The following PRKG2 variants were observed in gnomAD, a reference collection of about 807,000 sequenced individuals.
PRKG2 encodes the protein cGMP-dependent protein kinase 2.
In PRKG2, 33 loss-of-function variants were observed where a neutral mutation model predicts 97.2. That is an observed-to-expected ratio of 0.34 (90% CI 0.26 to 0.45). PRKG2 has a LOEUF of 0.45. PRKG2 is among the 20% of genes least tolerant of loss of function. PRKG2 has a pLI of 1.00. For synonymous variants in PRKG2, 330 were observed against 321.8 expected (o/e 1.03, Z -0.27); for missense variants, 638 against 900.0 (o/e 0.71, Z 3.73).
intron 14 of PRKG2, among the ~76,000 whole-genome samples, chr4:81,114,052 A>C (rs1264407712): frequency 6.6e-6 from 1 of 152,168 alleles, no homozygotes; most frequent in Non-Finnish European, 1.5e-5. Flanking sequence ...GGCGAGATGA[A>C]GGGAAGACTT....
At chr4:81,118,612 T>A (rs1195063046) in intron 14 of PRKG2, among the ~76,000 whole-genome samples, 12 of 152,234 alleles carry the variant, frequency 7.9e-5, no homozygotes, top group Non-Finnish European at 1.8e-4. Context: ...AGGTGTCTCT[T>A]CAGGTCTTTT....
intron 11 of PRKG2, among the ~76,000 whole-genome samples, chr4:81,142,124 G>C (rs943820399): frequency 2.0e-5 from 3 of 152,198 alleles, no homozygotes; most frequent in Non-Finnish European, 2.9e-5. Flanking sequence ...TAGAATACTT[G>C]TTTGACAGTA....
chr4:81,143,299 G>C (rs973263814), intron 10 of PRKG2, among the ~76,000 whole-genome samples: 31 of 152,054 alleles, frequency 2.0e-4, no homozygotes, highest in African/African-American at 7.2e-4. Flanking sequence ...CCTCAAAAAA[G>C]CTGTTAAAAA....
At chr4:81,137,317 A>G in intron 13 of PRKG2, 76 bp downstream of exon 13, 1 of 1,055,812 alleles carries the variant, frequency 9.5e-7, no homozygotes, top group Non-Finnish European at 1.4e-6. Flanking sequence ...TTTCCTAATG[A>G]TTTCCTCTAT....
intron 12 of PRKG2, among the ~76,000 whole-genome samples, chr4:81,140,009 G>A (rs75028719): frequency 0.1 from 15,514 of 152,102 alleles, 1,037 homozygotes; most frequent in Middle Eastern, 0.25. Flanking sequence ...AACATGGATG[G>A]AACTGGAGGT....
intron 14 of PRKG2, among the ~76,000 whole-genome samples, chr4:81,112,378 T>C (rs60690485): frequency 0.14 from 21,044 of 152,180 alleles, 2,834 homozygotes; most frequent in East Asian, 0.39. Context: ...TTATAAAGAC[T>C]GAAATTTAAA....
chr4:81,140,713 A>G (rs200342722), intron 11 of PRKG2, 44 bp from the exon 12 acceptor site: 16 of 1,519,524 alleles, frequency 1.1e-5, no homozygotes, highest in Non-Finnish European at 1.5e-5. Context: ...ACTTATATCT[A>G]TATAAAACAC....
At chr4:81,170,717 C>A (rs1449777366) in intron 4 of PRKG2, among the ~76,000 whole-genome samples, 1 of 151,702 alleles carries the variant, frequency 6.6e-6, no homozygotes, top group Non-Finnish European at 1.5e-5. Flanking sequence ...TAAAACAAAT[C>A]TAAAGAAAAG....
intron 2 of PRKG2, among the ~76,000 whole-genome samples, chr4:81,198,569 A>T (rs777413933): frequency 5.9e-5 from 9 of 152,072 alleles, no homozygotes; most frequent in Non-Finnish European, 1.3e-4. Flanking sequence ...TAGGCTGCAC[A>T]GGCTATAAAT....
intron 2 of PRKG2, among the ~76,000 whole-genome samples, chr4:81,185,278 C>G (rs113283264): frequency 3.3e-5 from 5 of 152,294 alleles, no homozygotes; most frequent in African/African-American, 1.2e-4. Context: ...CAGTGGATCT[C>G]TGTGTAGAAA....
At chr4:81,178,323 A>C (rs1751111810) in intron 2 of PRKG2, among the ~76,000 whole-genome samples, 1 of 152,018 alleles carries the variant, frequency 6.6e-6, no homozygotes, top group East Asian at 1.9e-4. Context: ...CAGTTTTTTA[A>C]ATAGGAAATA....
At chr4:81,111,464 T>C (rs1315128370) in intron 14 of PRKG2, among the ~76,000 whole-genome samples, 1 of 152,100 alleles carries the variant, frequency 6.6e-6, no homozygotes, top group Non-Finnish European at 1.5e-5. Context: ...TATTATATCA[T>C]GTAATACATG....
chr4:81,169,719 A>G lies in PRKG2; in HGVS notation c.792T>C (p.Asn264=), dbSNP rs1473590119. The change falls in exon 5 of 19, where the codon AAT becomes AAC. Residue 264 remains asparagine, a synonymous_variant. Coordinates refer to ENST00000264399, the MANE Select transcript of PRKG2 (RefSeq NM_006259.3). The part of the protein sequence containing the change: ...TWALDREVFQ[N]IMRRTAQARD... ...TAGCTTGGGCTGTCCTCCTCATTAT[A>G]TTCTGGAATACCTCTCGATCTAGTG... 4.3e-6 allele frequency: 7 copies of G among 1,610,342 alleles called. No individual in the cohort carries two copies. Among genetic ancestry groups the G allele is most frequent in the Non-Finnish European group, 5.9e-6 (7 of 1,178,172 alleles).
At chr4:81,126,343 G>A (rs1745553687) in intron 14 of PRKG2, among the ~76,000 whole-genome samples, 1 of 152,140 alleles carries the variant, frequency 6.6e-6, no homozygotes, top group Non-Finnish European at 1.5e-5. Flanking sequence ...ACATACATGT[G>A]CATGTGTCTT....
chr4:81,125,524 G>A (rs907344353), intron 14 of PRKG2, among the ~76,000 whole-genome samples: 1 of 152,120 alleles, frequency 6.6e-6, no homozygotes, highest in African/African-American at 2.4e-5. Flanking sequence ...TTGATGATGG[G>A]TATTTTGGCT....
intron 13 of PRKG2, 51 bp downstream of exon 13, chr4:81,137,342 T>A: frequency 3.1e-6 from 4 of 1,294,220 alleles, no homozygotes; most frequent in Non-Finnish European, 4.4e-6. Flanking sequence ...TTTTTAATGA[T>A]TATAAATATA....
chr4:81,151,608 A>T (rs999198410), intron 8 of PRKG2, among the ~76,000 whole-genome samples: 1 of 152,128 alleles, frequency 6.6e-6, no homozygotes. Flanking sequence ...ATTTTTAAAA[A>T]GGTGAAAACT....
At chr4:81,129,090 A>G (rs1745894872) in intron 14 of PRKG2, among the ~76,000 whole-genome samples, 1 of 152,154 alleles carries the variant, frequency 6.6e-6, no homozygotes, top group Admixed American at 6.5e-5. Context: ...GTCATTCAGG[A>G]GCAGGTTGTT....
chr4:81,156,390 T>C (rs900221901), intron 6 of PRKG2, among the ~76,000 whole-genome samples: 1 of 152,158 alleles, frequency 6.6e-6, no homozygotes, highest in African/African-American at 2.4e-5. Context: ...CTATCCTAAA[T>C]ATATATGCAC....
Sources: allele counts gnomAD v4.1 joint callset (sites outside exome capture counted in the v4.1 genomes callset), GRCh38; gene constraint gnomAD v4.1.1; transcripts MANE v1.5; gene names NCBI Gene and HGNC (gene_info 2026-07-23, HGNC 2026-07-21).